The following CRYAB variants were observed in gnomAD, a reference collection of about 807,000 sequenced individuals.
The protein encoded by CRYAB is alpha-crystallin B chain.
A neutral mutation model predicts 12.7 loss-of-function variants in CRYAB; 9 were observed. The observed-to-expected ratio is 0.71, with a 90% CI of 0.43 to 1.24. CRYAB has a LOEUF of 1.24. Ranked by LOEUF, CRYAB falls within the 50% of genes most tolerant of loss-of-function variation. The pLI is 0.00. For synonymous variants in CRYAB, 93 were observed against 86.8 expected, an observed-to-expected ratio of 1.07 and a Z score of -0.40; for missense variants, 183 against 226.6, an observed-to-expected ratio of 0.81 and a Z score of 1.24.
chr11:111,923,086 G>A (rs1205769752), intron 1 of CRYAB, among the ~76,000 whole-genome samples: 1 of 152,144 alleles, frequency 6.6e-6, no homozygotes, highest in South Asian at 2.1e-4. Context: ...AATATTTTCT[G>A]TATCCATTTA....
intron 1 of CRYAB, among the ~76,000 whole-genome samples, chr11:111,921,652 C>A (rs1442988972): frequency 6.6e-6 from 1 of 152,146 alleles, no homozygotes; most frequent in African/African-American, 2.4e-5. Context: ...TTCTTTTATT[C>A]TCTTTCTTCC....
chr11:111,915,051 C>T (rs1213881648), upstream of CRYAB, among the ~76,000 whole-genome samples: 3 of 152,110 alleles, frequency 2.0e-5, no homozygotes, highest in African/African-American at 4.8e-5. Flanking sequence ...GCCTGGGTGA[C>T]AGAGTGAGAC....
intron 1 of CRYAB, among the ~76,000 whole-genome samples, chr11:111,919,646 C>A (rs587601814): frequency 3.3e-5 from 5 of 152,296 alleles, no homozygotes; most frequent in South Asian, 2.1e-4. Context: ...TTTCTATGTG[C>A]CAGACATTTT....
chr11:111,912,066 G>C (rs1399034988), upstream of CRYAB: 1 of 280,772 alleles, frequency 3.6e-6, no homozygotes, highest in Middle Eastern at 1.2e-3. Flanking sequence ...TCCCAAGCAG[G>C]CACGCGGGGT....
At chr11:111,919,995 A>C (rs1555166382) in intron 1 of CRYAB, among the ~76,000 whole-genome samples, 3 of 152,044 alleles carry the variant, frequency 2.0e-5, no homozygotes, top group African/African-American at 7.2e-5. Flanking sequence ...GGAGATCGAG[A>C]CCATCCTGGC....
intron 1 of CRYAB, chr11:111,918,870 C>A: frequency 7.3e-7 from 1 of 1,376,466 alleles, no homozygotes; most frequent in Non-Finnish European, 1.0e-6. Flanking sequence ...CTGACACTGA[C>A]ACAGACTCCG....
At chr11:111,911,293 G>A (rs559581054) in intron 1 of CRYAB, among the ~76,000 whole-genome samples, 11 of 152,300 alleles carry the variant, frequency 7.2e-5, no homozygotes, top group Admixed American at 5.2e-4. Context: ...GTTAGGGGAC[G>A]GAGGATAAAC....
intron 1 of CRYAB, chr11:111,910,933 T>G (rs1466050491): frequency 3.9e-6 from 1 of 257,150 alleles, no homozygotes; most frequent in African/African-American, 2.2e-5. Context: ...CAGAGTGTTA[T>G]CTGTGACAGC....
At chr11:111,923,059 C>T (rs1215774669) in intron 1 of CRYAB, among the ~76,000 whole-genome samples, 2 of 152,120 alleles carry the variant, frequency 1.3e-5, no homozygotes, top group Non-Finnish European at 2.9e-5. Flanking sequence ...TAGCCCTAGT[C>T]TATGTATTTT....
chr11:111,916,780 A>T (rs1965603262), upstream of CRYAB, among the ~76,000 whole-genome samples: 1 of 151,664 alleles, frequency 6.6e-6, no homozygotes, highest in Non-Finnish European at 1.5e-5. Context: ...CTATTCCTCT[A>T]TTGATTTCTT....
chr11:111,919,007 G>A, intron 1 of CRYAB: 5 of 1,614,194 alleles, frequency 3.1e-6, no homozygotes, highest in East Asian at 4.5e-5. Context: ...GGAAGCTGGT[G>A]AGTAGGCTGG....
chr11:111,911,232 T>C (rs1965443552), intron 1 of CRYAB, among the ~76,000 whole-genome samples: 1 of 152,216 alleles, frequency 6.6e-6, no homozygotes, highest in Admixed American at 6.5e-5. Context: ...AGGCAGCTCT[T>C]TCCCTGCAGA....
At chr11:111,919,032 A>G in intron 1 of CRYAB, 1 of 1,613,928 alleles carries the variant, frequency 6.2e-7, no homozygotes, top group Non-Finnish European at 8.5e-7. Context: ...GCAAAGGGGA[A>G]CATCTATCTC....
rs4252582 is a variant in CRYAB at position 111,911,665 on chromosome 11, G to A, written c.60C>T (p.Pro20=). The change falls in exon 1 of 3, where the codon CCC becomes CCT. Residue 20 remains proline, a synonymous_variant. Transcript: ENST00000650687. The stretch of plus-strand genomic sequence containing the variant: ...CGAAGAACTGGTCAAAGAGGCGGCT[G>A]GGGGAGTGGAAAGGAAAGAAGGGGC... The part of the protein sequence containing the change: ...IRRPFFPFHS[P]SRLFDQFFGE... 3,663 of 1,608,418 alleles carry A rather than the reference G, an allele frequency of 2.3e-3. 108 individuals carry two copies. The South Asian group carries it at 0.038, about 17-fold the overall frequency.
chr11:111,919,447 T>TG (rs1965652942), intron 1 of CRYAB, among the ~76,000 whole-genome samples: 1 of 151,948 alleles, frequency 6.6e-6, no homozygotes, highest in Non-Finnish European at 1.5e-5. Flanking sequence ...CACTCCAGCC[T>TG]GGCAACAGAG....
rs201474470 is a variant in CRYAB, at chr11:111,910,382, T to C, written c.269A>G (p.Lys90Arg). ...DVKHFSPEEL[K>R]VKVLGDVIEV... ...AATCACATCTCCCAACACCTTAACT[T>C]TGAGTTCCTCTGGGGAGAAGTGCTT... is the stretch of plus-strand genomic sequence containing the variant. The change falls in exon 2 of 3, where the codon AAA becomes AGA. Residue 90 changes from lysine (K) to arginine (R), a missense_variant. Around this residue, in one of 3 missense-constraint regions of CRYAB, gnomAD observed 95 missense variants for 112.5 expected, o/e 0.84. Coordinates refer to ENST00000650687, the MANE Select transcript of CRYAB (RefSeq NM_001289808.2). 1.2e-6 allele frequency: 2 copies of C among 1,614,222 alleles called. No homozygotes were observed. Among genetic ancestry groups the C allele is most frequent in the East Asian group, 4.5e-5 (2 of 44,890 alleles).
rs1965452479 is a variant in CRYAB at position 111,911,514 on chromosome 11, GGA to G, written c.201+8_201+9del. 1 of 1,605,110 alleles carries G rather than the reference GGA, an allele frequency of 6.2e-7. No homozygotes were observed. Among genetic ancestry groups the G allele is most frequent in the East Asian group, 2.2e-5 (1 of 44,678 alleles). On this transcript the variant is annotated splice_region_variant and intron_variant, in intron 1 of 2. Coordinates refer to ENST00000650687, the MANE Select transcript of CRYAB (RefSeq NM_001289808.2). ...AAGGACTCTCCCGTCCTAGCTGTGGGGAGACTCACCTCTGAGAGTCCAGTGTC... is the reference window on the plus strand; with the variant it reads ...AAGGACTCTCCCGTCCTAGCTGTGGGGACTCACCTCTGAGAGTCCAGTGTC...
upstream of CRYAB, chr11:111,913,858 CAGAGGA>C (rs1566416025): frequency 6.2e-7 from 1 of 1,612,946 alleles, no homozygotes; most frequent in Non-Finnish European, 8.5e-7. Flanking sequence ...CCTCCTGATC[CAGAGGA>C]AGAGGAGGAG....
At chr11:111,922,321 T>C (rs1266598003) in intron 1 of CRYAB, among the ~76,000 whole-genome samples, 1 of 152,266 alleles carries the variant, frequency 6.6e-6, no homozygotes, top group Non-Finnish European at 1.5e-5. Flanking sequence ...AACTTTGTTC[T>C]CTATTTTTTG....
Sources: gnomAD v4.1 joint callset for allele counts (sites outside exome capture counted in the v4.1 genomes callset) on GRCh38, gnomAD v4.1.1 for gene constraint, gnomAD v4.1.1 regional missense constraint, MANE v1.5 for transcripts, NCBI Gene and HGNC (gene_info 2026-07-23, HGNC 2026-07-21) for gene names.